ADK: variants seen among roughly 807,000 people sequenced by gnomAD.
The protein encoded by ADK is N6,N6-dimethyladenosine kinase.
ADK carries 24 observed loss-of-function variants against 44.7 expected under a neutral mutation model. The ratio of observed to expected loss-of-function variants is 0.54; its 90% CI spans 0.39 to 0.76. ADK has a LOEUF of 0.76. ADK is among the 30% of genes least tolerant of loss of function. The pLI, the probability that ADK is intolerant of heterozygous loss-of-function variation, is 0.00. For synonymous variants in ADK, 128 were observed against 142.6 expected, an observed-to-expected ratio of 0.90 and a Z score of 0.73; for missense variants, 321 against 425.1, an observed-to-expected ratio of 0.76 and a Z score of 2.15.
At chr10:74,389,085 T>C (rs1014684310) in intron 4 of ADK, among the ~76,000 whole-genome samples, 4 of 152,230 alleles carry the variant, frequency 2.6e-5, no homozygotes, top group African/African-American at 9.6e-5. Flanking sequence ...TGTAGGTGTT[T>C]CCTTTTGGTT....
At chr10:74,238,025 C>G (rs1274075964) in intron 3 of ADK, among the ~76,000 whole-genome samples, 1 of 152,066 alleles carries the variant, frequency 6.6e-6, no homozygotes, top group Non-Finnish European at 1.5e-5. Context: ...ACCCAGGAGG[C>G]GGAGGTCATG....
chr10:74,577,473 T>C (rs1851234010), intron 7 of ADK, among the ~76,000 whole-genome samples: 1 of 152,110 alleles, frequency 6.6e-6, no homozygotes, highest in African/African-American at 2.4e-5. Context: ...TTTTTTCTTA[T>C]CTTTTTTCTT....
intron 6 of ADK, among the ~76,000 whole-genome samples, chr10:74,493,499 GAGATATAGATATATAGATAT>G (rs1222645754): frequency 6.6e-6 from 1 of 150,898 alleles, no homozygotes; most frequent in Non-Finnish European, 1.5e-5. Flanking sequence ...GATATAGAGA[GAGATATAGATATATAGATAT>G]AGATATAGAT....
At chr10:74,466,339 C>T (rs1262053025) in intron 6 of ADK, among the ~76,000 whole-genome samples, 3 of 152,154 alleles carry the variant, frequency 2.0e-5, no homozygotes, top group Non-Finnish European at 4.4e-5. Flanking sequence ...ACCTTAATAG[C>T]TTAAAAAATT....
intron 9 of ADK, among the ~76,000 whole-genome samples, chr10:74,652,784 A>C (rs1854320616): frequency 1.3e-5 from 2 of 151,926 alleles, no homozygotes; most frequent in Admixed American, 1.3e-4. Flanking sequence ...AAAGCCTAAT[A>C]GTAAGATGGA....
At chr10:74,171,924 C>A (rs1343569962) in intron 1 of ADK, among the ~76,000 whole-genome samples, 4 of 151,942 alleles carry the variant, frequency 2.6e-5, no homozygotes, top group African/African-American at 9.7e-5. Flanking sequence ...AATAACAGAA[C>A]TTCTGCCTTT....
At chr10:74,335,873 G>A (rs908609943) in intron 4 of ADK, among the ~76,000 whole-genome samples, 3 of 151,936 alleles carry the variant, frequency 2.0e-5, no homozygotes, top group Admixed American at 1.3e-4. Flanking sequence ...AAAAAAAATT[G>A]TGTTTATTTT....
intron 4 of ADK, among the ~76,000 whole-genome samples, chr10:74,367,669 C>T (rs1842537335): frequency 6.6e-6 from 1 of 152,194 alleles, no homozygotes; most frequent in African/African-American, 2.4e-5. Flanking sequence ...GTTCATTCCT[C>T]TCTGAGGTCA....
intron 6 of ADK, among the ~76,000 whole-genome samples, chr10:74,422,880 T>A (rs951488503): frequency 2.6e-5 from 4 of 152,182 alleles, no homozygotes; most frequent in African/African-American, 9.7e-5. Flanking sequence ...GTCACAATAA[T>A]GCTGTGGCAA....
intron 10 of ADK, among the ~76,000 whole-genome samples, chr10:74,701,445 A>C (rs1322005904): frequency 6.6e-6 from 1 of 152,218 alleles, no homozygotes. Flanking sequence ...AAAAAGAACC[A>C]GTTATCCTCA....
intron 4 of ADK, among the ~76,000 whole-genome samples, chr10:74,393,375 CAT>C (rs1193327018): frequency 7.2e-5 from 11 of 152,116 alleles, no homozygotes; most frequent in Non-Finnish European, 1.0e-4. Flanking sequence ...ATCTGTGAAA[CAT>C]ATGCATCTTA....
At chr10:74,346,052 CTGGCTAATTT>C (rs1409049511) in intron 4 of ADK, among the ~76,000 whole-genome samples, 1 of 152,170 alleles carries the variant, frequency 6.6e-6, no homozygotes, top group East Asian at 1.9e-4. Flanking sequence ...ATGCCACGAC[CTGGCTAATTT>C]TGTATTTTTA....
intron 5 of ADK, among the ~76,000 whole-genome samples, chr10:74,397,069 T>G (rs1212964695): frequency 6.6e-6 from 1 of 152,194 alleles, no homozygotes; most frequent in Non-Finnish European, 1.5e-5. Context: ...CCAGAAATGT[T>G]TGCTTTTATT....
intron 1 of ADK, among the ~76,000 whole-genome samples, chr10:74,163,973 T>A (rs2132041839): frequency 1.3e-5 from 2 of 152,364 alleles, no homozygotes; most frequent in Non-Finnish European, 2.9e-5. Context: ...TTGTTGAAGA[T>A]TGAAGCCATT....
chr10:74,495,739 G>A (rs1489011538), intron 6 of ADK, among the ~76,000 whole-genome samples: 1 of 152,076 alleles, frequency 6.6e-6, no homozygotes, highest in African/African-American at 2.4e-5. Context: ...ATTCTGCAGA[G>A]GTAGGAAAAG....
intron 7 of ADK, among the ~76,000 whole-genome samples, chr10:74,574,067 A>T (rs1285381125): frequency 6.6e-6 from 1 of 152,030 alleles, no homozygotes; most frequent in Non-Finnish European, 1.5e-5. Context: ...GGTACCCCAA[A>T]TGGAAATGCA....
intron 3 of ADK, among the ~76,000 whole-genome samples, chr10:74,298,473 C>T (rs1292032874): frequency 6.6e-6 from 1 of 152,112 alleles, no homozygotes; most frequent in African/African-American, 2.4e-5. Context: ...GGACATTAGG[C>T]TCGTTGCAGT....
intron 6 of ADK, among the ~76,000 whole-genome samples, chr10:74,515,624 C>T (rs962081571): frequency 1.3e-4 from 20 of 152,054 alleles, no homozygotes; most frequent in Admixed American, 4.6e-4. Context: ...AGGCCAAGGG[C>T]GTGCCTATGG....
chr10:74,618,172 A>G (rs772160417), intron 9 of ADK, among the ~76,000 whole-genome samples: 12 of 152,082 alleles, frequency 7.9e-5, no homozygotes, highest in Non-Finnish European at 1.3e-4. Context: ...TATATTTAAT[A>G]TAAGTTACTA....
Sources: allele counts gnomAD v4.1 joint callset (sites outside exome capture counted in the v4.1 genomes callset), GRCh38; gene constraint gnomAD v4.1.1; transcripts MANE v1.5; gene names NCBI Gene and HGNC (gene_info 2026-07-23, HGNC 2026-07-21).